Variants in SNX24 observed in about 807,000 individuals in gnomAD.
The protein encoded by SNX24 is sorting nexin-24.
Under a neutral mutation model 28.7 loss-of-function variants are expected in SNX24, and 22 were observed. The ratio of observed to expected loss-of-function variants is 0.77; its 90% confidence interval spans 0.55 to 1.10. The LOEUF (loss-of-function observed/expected upper bound fraction) is 1.10. Ranked by LOEUF, SNX24 falls within the 50% of genes least tolerant of loss-of-function variation. The pLI is 0.00. For synonymous variants in SNX24, 69 were observed against 71.5 expected, an observed-to-expected ratio of 0.96 and a Z score of 0.18; for missense variants, 221 against 201.1, an observed-to-expected ratio of 1.10 and a Z score of -0.60.
At chr5:122,973,535 G>T (rs1195479621) in intron 3 of SNX24, among the ~76,000 whole-genome samples, 1 of 152,212 alleles carries the variant, frequency 6.6e-6, no homozygotes, top group Non-Finnish European at 1.5e-5. Flanking sequence ...GGAGGAGAAG[G>T]CTGGGTGGCA....
intron 3 of SNX24, among the ~76,000 whole-genome samples, chr5:122,990,690 G>T (rs548888803): frequency 5.4e-4 from 82 of 152,252 alleles, no homozygotes; most frequent in Admixed American, 1.1e-3. Context: ...TATAAGCCTA[G>T]TTCTGATTAC....
chr5:122,919,699 T>C (rs936092001), intron 1 of SNX24, among the ~76,000 whole-genome samples: 1 of 152,188 alleles, frequency 6.6e-6, no homozygotes, highest in Non-Finnish European at 1.5e-5. Flanking sequence ...TAAGCAACAC[T>C]GATGCCTCTT....
At chr5:122,966,056 T>C (rs1217420590) in intron 3 of SNX24, among the ~76,000 whole-genome samples, 1 of 152,262 alleles carries the variant, frequency 6.6e-6, no homozygotes, top group Non-Finnish European at 1.5e-5. Flanking sequence ...GTTATCGTAT[T>C]TCCTATGATT....
intron 1 of SNX24, among the ~76,000 whole-genome samples, chr5:122,934,650 G>A (rs1176666447): frequency 1.3e-5 from 2 of 152,126 alleles, no homozygotes; most frequent in East Asian, 1.9e-4. Context: ...GAGCCATTGC[G>A]CCTGGCCGGA....
intron 6 of SNX24, among the ~76,000 whole-genome samples, chr5:123,004,979 C>A (rs568278360): frequency 1.7e-4 from 26 of 152,280 alleles, no homozygotes; most frequent in African/African-American, 5.8e-4. Context: ...GAATCAAAGT[C>A]AAGGACAGTT....
At chr5:122,967,141 C>T (rs1274459521) in intron 3 of SNX24, among the ~76,000 whole-genome samples, 4 of 152,302 alleles carry the variant, frequency 2.6e-5, no homozygotes, top group Admixed American at 6.5e-5. Context: ...TACCCACTCA[C>T]GCATTCATTA....
chr5:122,919,279 T>C (rs1011512786), intron 1 of SNX24, among the ~76,000 whole-genome samples: 6 of 152,200 alleles, frequency 3.9e-5, no homozygotes, highest in Admixed American at 6.5e-5. Context: ...AGAGAAACTC[T>C]AAGAGATTGC....
chr5:123,025,725 C>T, intron 5 of SNX24: 1 of 1,517,826 alleles, frequency 6.6e-7, no homozygotes, highest in Admixed American at 1.9e-5. Flanking sequence ...AAATAAATCA[C>T]TGAAAGTACT....
intron 1 of SNX24, among the ~76,000 whole-genome samples, chr5:122,935,994 G>T (rs769956231): frequency 3.9e-5 from 6 of 152,062 alleles, no homozygotes; most frequent in Non-Finnish European, 7.4e-5. Flanking sequence ...CCTTAAAATT[G>T]TATTTTCATG....
chr5:122,998,650 G>A (rs1329959810), intron 3 of SNX24, among the ~76,000 whole-genome samples: 2 of 152,156 alleles, frequency 1.3e-5, no homozygotes, highest in Admixed American at 6.5e-5. Flanking sequence ...GGGACAGAGG[G>A]CAGCCTAGGA....
At chr5:122,888,538 G>A (rs532001628) in intron 1 of SNX24, among the ~76,000 whole-genome samples, 1 of 152,266 alleles carries the variant, frequency 6.6e-6, no homozygotes, top group South Asian at 2.1e-4. Context: ...ATCATAATAA[G>A]CACTTCATAA....
chr5:122,929,865 T>C (rs1427293851), intron 1 of SNX24, among the ~76,000 whole-genome samples: 6 of 152,158 alleles, frequency 3.9e-5, no homozygotes. Flanking sequence ...TTGGCTTCTT[T>C]TGTGAATTCC....
intron 2 of SNX24, among the ~76,000 whole-genome samples, chr5:122,937,959 T>G (rs911561510): frequency 6.6e-6 from 1 of 152,104 alleles, no homozygotes; most frequent in African/African-American, 2.4e-5. Context: ...CCTGATGAAA[T>G]AAGTCCCTAC....
At chr5:123,013,112 G>C (rs1190191991), downstream of SNX24, among the ~76,000 whole-genome samples, 1 of 152,198 alleles carries the variant, frequency 6.6e-6, no homozygotes, top group Non-Finnish European at 1.5e-5. Flanking sequence ...CCCTGAAGAA[G>C]CAGGAAGGAC....
At position 123,001,945 on chromosome 5, in the gene SNX24, T is replaced by A; in HGVS notation, c.383T>A (p.Leu128Gln). 1 of 1,614,150 alleles carries A rather than the reference T, an allele frequency of 6.2e-7. No individual in the cohort carries two copies. The highest frequency in any genetic ancestry group is 1.1e-5 in the South Asian group (1 of 91,078). Residue 128 changes from leucine (L) to glutamine (Q), a missense_variant, in exon 6 of 7, where the codon CTG (leucine) becomes CAG (glutamine). By Grantham distance (113) the Leu-to-Gln change is moderately radical. Transcript: ENST00000261369. The stretch of plus-strand genomic sequence containing the variant: ...CCTGTTCTTGACCTTTCCAGCAAAC[T>A]GTCCCACCAGCCTGTGCTGCTGTTC... ...DETESEESSKLSHQPVLLFLR... is the reference protein window; with the variant it reads ...DETESEESSKQSHQPVLLFLR...
intron 1 of SNX24, among the ~76,000 whole-genome samples, chr5:122,852,609 C>T (rs1257642478): frequency 2.0e-5 from 3 of 152,154 alleles, no homozygotes; most frequent in Non-Finnish European, 4.4e-5. Flanking sequence ...TCTGAAAGTG[C>T]TGGGATTGTA....
intron 1 of SNX24, among the ~76,000 whole-genome samples, chr5:122,863,963 C>T (rs145955619): frequency 2.6e-5 from 4 of 152,040 alleles, no homozygotes; most frequent in Non-Finnish European, 1.5e-5. Flanking sequence ...GGCAGAGGAG[C>T]GACATGATTC....
intron 3 of SNX24, among the ~76,000 whole-genome samples, chr5:122,972,858 G>A (rs1211011538): frequency 6.6e-6 from 1 of 152,210 alleles, no homozygotes; most frequent in African/African-American, 2.4e-5. Flanking sequence ...CACGGGCTCA[G>A]TGATAGTCTC....
At chr5:122,934,364 T>G (rs1052123757) in intron 1 of SNX24, among the ~76,000 whole-genome samples, 1 of 152,086 alleles carries the variant, frequency 6.6e-6, no homozygotes, top group Admixed American at 6.5e-5. Context: ...ATTTATTAAA[T>G]TTTTCTTTTT....
Sources: allele counts gnomAD v4.1 joint callset (sites outside exome capture counted in the v4.1 genomes callset), GRCh38; gene constraint gnomAD v4.1.1; transcripts MANE v1.5; gene names NCBI Gene and HGNC (gene_info 2026-07-23, HGNC 2026-07-21).